Variants in STARD13 observed in about 807,000 individuals in gnomAD.
The protein encoded by STARD13 is StAR related lipid transfer domain containing 13.
In STARD13, 62 loss-of-function variants were observed where a neutral mutation model predicts 106.4. That is an observed-to-expected ratio of 0.58 (90% CI 0.48 to 0.72). The LOEUF is 0.72. Ranked by LOEUF, STARD13 falls within the 30% of genes least tolerant of loss-of-function variation. STARD13 has a pLI of 0.00. For missense variants in STARD13, 1,387 were observed against 1,424.0 expected, an observed-to-expected ratio of 0.97 and a Z score of 0.42; for synonymous variants, 565 against 553.0, an observed-to-expected ratio of 1.02 and a Z score of -0.31.
In STARD13 at chr13:33,165,391, G is replaced by A. The variant is rs1883200387; in HGVS notation, c.269C>T (p.Ala90Val). 6 of 1,613,804 alleles carry A rather than the reference G, an allele frequency of 3.7e-6. No individual in the cohort carries two copies. The highest frequency in any genetic ancestry group is 5.1e-6 in the Non-Finnish European group (6 of 1,179,744). ...AAGAAAATCATGATCATTCTTGACA[G>A]CCACAATGTTGATGGGAAATTGTGA... is the stretch of plus-strand genomic sequence containing the variant. The part of the protein sequence containing the change: ...EDSQFPINIV[A>V]VKNDHDFLEK... The change falls in exon 3 of 14, where the codon GCT becomes GTT. Residue 90 changes from alanine to valine, a missense_variant. Transcript: ENST00000336934.
chr13:33,105,402 C>T lies in STARD13; in HGVS notation c.*191G>A. ...ATTATATTAGTAGGGATGTAGCCAT[C>T]TCCAGGAAGGCTAAGAAAGTTCTTG... On this transcript the variant is annotated 3_prime_UTR_variant, in exon 14 of 14. Transcript: ENST00000336934. 1 of 556,420 alleles carries T rather than the reference C, an allele frequency of 1.8e-6. No homozygotes were observed. Among genetic ancestry groups the T allele is most frequent in the Admixed American group, 3.0e-5 (1 of 33,528 alleles). The allele number at this position is 556,420 out of a possible 1,614,324, so 34.5% of individuals were successfully genotyped here.
At chr13:33,224,493 A>G (rs753650969) in intron 1 of STARD13, among the ~76,000 whole-genome samples, 3 of 152,214 alleles carry the variant, frequency 2.0e-5, no homozygotes, top group Non-Finnish European at 4.4e-5. Context: ...CCTCAAGGAC[A>G]CAGCGTGATG....
intron 4 of STARD13, among the ~76,000 whole-genome samples, chr13:33,135,030 A>C (rs1047166894): frequency 6.6e-5 from 10 of 152,248 alleles, no homozygotes; most frequent in African/African-American, 2.2e-4. Flanking sequence ...TGCATTCTGC[A>C]CTGGTCACAT....
the STARD13 span, among the ~76,000 whole-genome samples, chr13:33,660,846 C>A: frequency 6.6e-6 from 1 of 152,168 alleles, no homozygotes; most frequent in Non-Finnish European, 1.5e-5. Flanking sequence ...GGCCTTCCAA[C>A]GTGCTGGGAT....
intron 1 of STARD13, among the ~76,000 whole-genome samples, chr13:33,196,339 C>T (rs11838403): frequency 1.1e-4 from 17 of 152,270 alleles, no homozygotes; most frequent in African/African-American, 1.4e-4. Context: ...GCTGAGATTG[C>T]ACCACTCTCC....
chr13:33,293,179 T>C (rs1892357425), intron 1 of STARD13, among the ~76,000 whole-genome samples: 2 of 152,276 alleles, frequency 1.3e-5, no homozygotes, highest in Middle Eastern at 6.8e-3. Flanking sequence ...CCTCTCCCAA[T>C]TTATAATTAC....
the STARD13 span, among the ~76,000 whole-genome samples, chr13:33,584,766 A>C: frequency 3.3e-5 from 5 of 151,810 alleles, no homozygotes; most frequent in African/African-American, 1.2e-4. Context: ...CGATTGGATC[A>C]TGGGAGCGGA....
At chr13:33,240,234 T>C (rs1199775735) in intron 1 of STARD13, among the ~76,000 whole-genome samples, 1 of 152,164 alleles carries the variant, frequency 6.6e-6, no homozygotes, top group Non-Finnish European at 1.5e-5. Flanking sequence ...TTCTGTTCCA[T>C]TGTTCCATAT....
the STARD13 span, among the ~76,000 whole-genome samples, chr13:33,642,002 T>C: frequency 6.6e-6 from 1 of 152,250 alleles, no homozygotes; most frequent in Non-Finnish European, 1.5e-5. Context: ...GTGGTGCTCA[T>C]TCTAGACTCT....
intron 1 of STARD13, among the ~76,000 whole-genome samples, chr13:33,265,302 T>A (rs575044893): frequency 1.9e-4 from 29 of 152,308 alleles, no homozygotes; most frequent in African/African-American, 7.0e-4. Context: ...ATTTCCTACT[T>A]CATTAAATAT....
the STARD13 span, among the ~76,000 whole-genome samples, chr13:33,456,769 G>A: frequency 1.3e-5 from 2 of 152,146 alleles, no homozygotes; most frequent in African/African-American, 2.4e-5. Context: ...CAGGGACAAG[G>A]TGCCATCTAT....
chr13:33,179,982 G>A (rs1566054883), intron 1 of STARD13, among the ~76,000 whole-genome samples: 1 of 152,188 alleles, frequency 6.6e-6, no homozygotes, highest in Non-Finnish European at 1.5e-5. Context: ...GTGCCTGCAG[G>A]AGGTCCTTGG....
At chr13:33,499,646 C>T in the STARD13 span, among the ~76,000 whole-genome samples, 1 of 129,848 alleles carries the variant, frequency 7.7e-6, no homozygotes, top group Non-Finnish European at 1.6e-5. Context: ...TCTTCTTCTT[C>T]TCCTTCTTCT....
chr13:33,144,095 T>C (rs1000470468), intron 3 of STARD13, among the ~76,000 whole-genome samples: 10 of 152,196 alleles, frequency 6.6e-5, no homozygotes, highest in Non-Finnish European at 1.3e-4. Flanking sequence ...TCCATCCCTT[T>C]TTACTCTCCA....
At chr13:33,647,250 T>A in the STARD13 span, among the ~76,000 whole-genome samples, 1 of 152,204 alleles carries the variant, frequency 6.6e-6, no homozygotes, top group Non-Finnish European at 1.5e-5. Flanking sequence ...TCAAAATATG[T>A]TTTTCTTTAC....
chr13:33,170,075 A>G (rs565720442), intron 1 of STARD13, among the ~76,000 whole-genome samples: 1 of 152,242 alleles, frequency 6.6e-6, no homozygotes, highest in South Asian at 2.1e-4. Context: ...AGAATGAATA[A>G]GACCTACTAT....
At chr13:33,655,718 T>C in the STARD13 span, among the ~76,000 whole-genome samples, 2 of 152,270 alleles carry the variant, frequency 1.3e-5, no homozygotes, top group South Asian at 4.1e-4. Context: ...TGGAACATAG[T>C]AGATATTTAA....
intron 3 of STARD13, among the ~76,000 whole-genome samples, chr13:33,153,048 T>A (rs1593981924): frequency 6.6e-6 from 1 of 151,708 alleles, no homozygotes. Flanking sequence ...AGAAGGAGGG[T>A]GATTTAGGTT....
intron 4 of STARD13, among the ~76,000 whole-genome samples, chr13:33,140,941 T>C (rs1355754856): frequency 6.6e-6 from 1 of 152,086 alleles, no homozygotes; most frequent in East Asian, 1.9e-4. Context: ...ATATTTTTAG[T>C]AGAGACGGGT....
Sources: gnomAD v4.1 joint callset for allele counts (sites outside exome capture counted in the v4.1 genomes callset) on GRCh38, gnomAD v4.1.1 for gene constraint, MANE v1.5 for transcripts, NCBI Gene and HGNC (gene_info 2026-07-23, HGNC 2026-07-21) for gene names.